The following GBE1 variants were observed in gnomAD, a reference collection of about 807,000 sequenced individuals.
GBE1 encodes the protein 1,4-alpha-glucan-branching enzyme.
A neutral mutation model predicts 88.8 loss-of-function variants in GBE1; 70 were observed. The ratio of observed to expected loss-of-function variants is 0.79; its 90% CI spans 0.65 to 0.96. The LOEUF is 0.96. Among genes scored for constraint, GBE1 ranks in the 40% least tolerant of loss-of-function variants. GBE1 has a pLI of 0.00. For missense variants in GBE1, 872 were observed against 871.0 expected (o/e 1.00, Z -0.01); for synonymous variants, 284 against 300.1 (o/e 0.95, Z 0.56).
intron 7 of GBE1, among the ~76,000 whole-genome samples, chr3:81,613,567 A>G (rs1221107099): frequency 6.6e-6 from 1 of 152,132 alleles, no homozygotes; most frequent in African/African-American, 2.4e-5. Flanking sequence ...AACTTAAACA[A>G]TGGGGTTATA....
At chr3:81,712,843 G>T (rs1485916350) in intron 1 of GBE1, among the ~76,000 whole-genome samples, 1 of 151,732 alleles carries the variant, frequency 6.6e-6, no homozygotes, top group Non-Finnish European at 1.5e-5. Context: ...CTCCAACTCA[G>T]TCTTTAAAAA....
At chr3:81,677,346 T>C (rs1576196082) in intron 2 of GBE1, among the ~76,000 whole-genome samples, 1 of 152,288 alleles carries the variant, frequency 6.6e-6, no homozygotes, top group East Asian at 1.9e-4. Context: ...TACTAGCCCA[T>C]ATGGCAGATA....
intron 1 of GBE1, among the ~76,000 whole-genome samples, chr3:81,751,958 T>C (rs1325451337): frequency 6.6e-6 from 1 of 152,230 alleles, no homozygotes; most frequent in African/African-American, 2.4e-5. Flanking sequence ...TAATTCTTTT[T>C]GCTGGGTATT....
chr3:81,591,914 TC>T, intron 8 of GBE1, among the ~76,000 whole-genome samples: 1 of 152,128 alleles, frequency 6.6e-6, no homozygotes, highest in Non-Finnish European at 1.5e-5. Context: ...ATTATGGAAG[TC>T]TTATACTTCA....
At chr3:81,617,677 T>C (rs187092073) in intron 7 of GBE1, among the ~76,000 whole-genome samples, 11 of 152,088 alleles carry the variant, frequency 7.2e-5, no homozygotes, top group Admixed American at 2.0e-4. Flanking sequence ...CCCGTAGTTA[T>C]CTTCTTATTA....
intron 14 of GBE1, among the ~76,000 whole-genome samples, chr3:81,534,366 T>C (rs1180751375): frequency 6.6e-6 from 1 of 152,070 alleles, no homozygotes; most frequent in African/African-American, 2.4e-5. Context: ...TTCCTATATT[T>C]ACAGTAATCA....
chr3:81,649,756 T>TA (rs1428334750), intron 4 of GBE1, 40 bp downstream of exon 4: 3 of 1,538,090 alleles, frequency 2.0e-6, no homozygotes, highest in Non-Finnish European at 1.8e-6. Context: ...TTCCTAGAAA[T>TA]ATTGGAACAA....
At chr3:81,591,988 T>C (rs986968628) in intron 8 of GBE1, among the ~76,000 whole-genome samples, 2 of 152,128 alleles carry the variant, frequency 1.3e-5, no homozygotes, top group Admixed American at 6.6e-5. Context: ...TTTGATGCTG[T>C]CGTTCTTTAA....
chr3:81,612,602 G>C, intron 7 of GBE1: 1 of 625,508 alleles, frequency 1.6e-6, no homozygotes, highest in Non-Finnish European at 3.0e-6. Context: ...GATCAGTTCT[G>C]ACCTCTTCTG....
chr3:81,734,002 T>A (rs1371152980), intron 1 of GBE1, among the ~76,000 whole-genome samples: 1 of 152,216 alleles, frequency 6.6e-6, no homozygotes, highest in Non-Finnish European at 1.5e-5. Flanking sequence ...ATTATTTTGC[T>A]AAATACAAAC....
At chr3:81,518,597 G>A (rs771097404) in intron 14 of GBE1, among the ~76,000 whole-genome samples, 20 of 151,388 alleles carry the variant, frequency 1.3e-4, no homozygotes, top group Non-Finnish European at 2.5e-4. Context: ...GTACTGGTCT[G>A]TCATTATCAT....
chr3:81,545,654 G>A (rs1471502583), intron 12 of GBE1, among the ~76,000 whole-genome samples: 2 of 151,958 alleles, frequency 1.3e-5, no homozygotes, highest in Non-Finnish European at 2.9e-5. Flanking sequence ...GTGCATGCCA[G>A]TTGTATTCCA....
At chr3:81,593,571 A>G (rs986843341) in intron 8 of GBE1, among the ~76,000 whole-genome samples, 1 of 151,996 alleles carries the variant, frequency 6.6e-6, no homozygotes, top group Non-Finnish European at 1.5e-5. Flanking sequence ...GTAATATGTA[A>G]AAACCTATGC....
At chr3:81,750,619 A>ATATATATATATG (rs1706504293) in intron 1 of GBE1, among the ~76,000 whole-genome samples, 3 of 66,454 alleles carry the variant, frequency 4.5e-5, no homozygotes, top group African/African-American at 9.3e-5. Context: ...ATATATATGT[A>ATATATATATATG]TATATATATA....
At chr3:81,672,287 C>T (rs1028068768) in intron 2 of GBE1, among the ~76,000 whole-genome samples, 3 of 151,894 alleles carry the variant, frequency 2.0e-5, no homozygotes, top group African/African-American at 7.2e-5. Context: ...AGAAATTCTC[C>T]TAAATGTACA....
chr3:81,691,221 G>A (rs1441350845), intron 2 of GBE1, among the ~76,000 whole-genome samples: 1 of 152,062 alleles, frequency 6.6e-6, no homozygotes, highest in Admixed American at 6.5e-5. Context: ...CTATAATGTT[G>A]CAATTTCCTT....
chr3:81,649,714 T>A, intron 4 of GBE1, 82 bp downstream of exon 4: 1 of 1,145,598 alleles, frequency 8.7e-7, no homozygotes, highest in Non-Finnish European at 1.2e-6. Flanking sequence ...CATTGAACAT[T>A]ACTATAAAAG....
rs73853485 is a variant in GBE1 at position 81,751,125 on chromosome 3, C to A, written c.143+10250G>T. Among the ~76,000 whole-genome samples the A allele has an allele frequency of 5.0e-3, 768 of 152,112 alleles. 2 individuals carry two copies. Among genetic ancestry groups the A allele is most frequent in the African/African-American group, 0.018 (737 of 41,512 alleles). ...CCGGCCCTCCGCCAAAAAAAAAGAA[C>A]CCAGAAAAACAAAGATCAGGTCTAG... On this transcript the variant is annotated intron_variant, in intron 1 of 15. Coordinates refer to ENST00000429644, the MANE Select transcript of GBE1 (RefSeq NM_000158.4).
Position 81,586,092 on chromosome 3 carries a change from C to T in GBE1, c.1335G>A (p.Gln445=). 6.3e-7 allele frequency: 1 copy of T among 1,583,564 alleles called. No homozygotes were observed. Among genetic ancestry groups the T allele is most frequent in the South Asian group, 1.1e-5 (1 of 88,300 alleles). Residue 445 remains glutamine, a splice_region_variant and synonymous_variant, in exon 10 of 16, where the codon CAG becomes CAA. Transcript: ENST00000429644. ...AAAAAATATTTACATGGACTCTTAC[C>T]TGAATCCACTTATCTGGAATTGCCA... ...LAMAIPDKWI[Q]LLKEFKDEDW... is the part of the protein sequence containing the mutation.
Sources: allele counts gnomAD v4.1 joint callset (sites outside exome capture counted in the v4.1 genomes callset), GRCh38; gene constraint gnomAD v4.1.1; transcripts MANE v1.5; gene names NCBI Gene and HGNC (gene_info 2026-07-23, HGNC 2026-07-21).